The following PSMA1 variants were observed in gnomAD, a reference collection of about 807,000 sequenced individuals.
The protein encoded by PSMA1 is proteasome subunit alpha type-1.
A neutral mutation model predicts 38.4 loss-of-function variants in PSMA1; 3 were observed. The ratio of observed to expected loss-of-function variants is 0.08; its 90% CI spans 0.04 to 0.20. The LOEUF (loss-of-function observed/expected upper bound fraction) is 0.20, where lower values mean the gene tolerates loss of function less well. PSMA1 is among the 10% of genes least tolerant of loss of function. The probability of loss-of-function intolerance (pLI) is 1.00; values close to 1 mark genes in which losing one functional copy is unlikely to be tolerated. For missense variants in PSMA1, 227 were observed against 325.3 expected (o/e 0.70, Z 2.32); for synonymous variants, 101 against 107.1 (o/e 0.94, Z 0.35).
chr11:14,619,468 C>T (rs1282501362), intron 1 of PSMA1, among the ~76,000 whole-genome samples: 1 of 151,930 alleles, frequency 6.6e-6, no homozygotes, highest in Non-Finnish European at 1.5e-5. Context: ...TAGATTTATA[C>T]CACATAAAGA....
At chr11:14,615,432 A>G (rs1482726099) in intron 1 of PSMA1, among the ~76,000 whole-genome samples, 5 of 152,228 alleles carry the variant, frequency 3.3e-5, no homozygotes, top group African/African-American at 1.2e-4. Flanking sequence ...CTCAGAGGAC[A>G]GAAGAGTACA....
intron 7 of PSMA1, among the ~76,000 whole-genome samples, chr11:14,511,704 T>C (rs949225328): frequency 6.6e-6 from 1 of 152,214 alleles, no homozygotes; most frequent in Non-Finnish European, 1.5e-5. Flanking sequence ...ACATCAATCT[T>C]AGCAGTGAAT....
chr11:14,595,132 C>T (rs1312422460), intron 2 of PSMA1, among the ~76,000 whole-genome samples: 1 of 152,202 alleles, frequency 6.6e-6, no homozygotes. Context: ...ATATGTGCCA[C>T]ATTTTCTTAA....
chr11:14,561,223 C>T (rs145335167), intron 2 of PSMA1, among the ~76,000 whole-genome samples: 22 of 152,300 alleles, frequency 1.4e-4, no homozygotes, highest in Middle Eastern at 6.8e-3. Flanking sequence ...ATTGCATTTG[C>T]TCTCTTTATG....
chr11:14,592,374 CTCTA>C (rs1477167235), intron 2 of PSMA1, among the ~76,000 whole-genome samples: 90 of 119,254 alleles, frequency 7.5e-4, no homozygotes, highest in Middle Eastern at 9.0e-3. Context: ...CTCTCTCTCT[CTCTA>C]TATATATATA....
At chr11:14,546,507 G>A (rs961579006) in intron 2 of PSMA1, among the ~76,000 whole-genome samples, 10 of 151,922 alleles carry the variant, frequency 6.6e-5, no homozygotes, top group Non-Finnish European at 1.0e-4. Context: ...GCACGATCTC[G>A]GCTCACTGCA....
At chr11:14,571,791 T>A (rs983429386) in intron 2 of PSMA1, among the ~76,000 whole-genome samples, 7 of 151,292 alleles carry the variant, frequency 4.6e-5, no homozygotes, top group Non-Finnish European at 8.8e-5. Context: ...GAGACACACA[T>A]AGGCTCAAAA....
chr11:14,525,043 A>G (rs890456992), upstream of PSMA1, among the ~76,000 whole-genome samples: 2 of 151,840 alleles, frequency 1.3e-5, no homozygotes, highest in African/African-American at 4.8e-5. Context: ...TAGGGAGGCT[A>G]CCCACCCCTC....
At chr11:14,541,640 A>C (rs1223439251) in intron 2 of PSMA1, among the ~76,000 whole-genome samples, 1 of 152,220 alleles carries the variant, frequency 6.6e-6, no homozygotes, top group Non-Finnish European at 1.5e-5. Context: ...ACCTTTTGGA[A>C]GGCAGAAAAG....
chr11:14,511,429 C>T (rs1190727962), intron 7 of PSMA1, among the ~76,000 whole-genome samples: 2 of 151,940 alleles, frequency 1.3e-5, no homozygotes, highest in African/African-American at 2.4e-5. Flanking sequence ...AAACTACAAA[C>T]GGAACCTGGC....
chr11:14,587,056 A>G (rs903539827), intron 2 of PSMA1, among the ~76,000 whole-genome samples: 2 of 152,130 alleles, frequency 1.3e-5, no homozygotes. Context: ...TATCTTTGCC[A>G]TTCATCATAG....
At chr11:14,552,191 T>C (rs994289944) in intron 2 of PSMA1, among the ~76,000 whole-genome samples, 4 of 152,100 alleles carry the variant, frequency 2.6e-5, no homozygotes, top group East Asian at 1.9e-4. Context: ...CAGAGAGCAA[T>C]TGGAGTGCCC....
chr11:14,603,093 A>G (rs932170583), intron 2 of PSMA1, among the ~76,000 whole-genome samples: 2 of 152,226 alleles, frequency 1.3e-5, no homozygotes, highest in Non-Finnish European at 2.9e-5. Context: ...TGCCACAGCT[A>G]GAGGTAACCA....
At chr11:14,520,104 C>CG in intron 1 of PSMA1, 193 bp downstream of exon 1, 1 of 826,952 alleles carries the variant, frequency 1.2e-6, no homozygotes, top group South Asian at 1.7e-5. Context: ...GGTGGAAAGG[C>CG]CGCACTGGCT....
At chr11:14,544,497 A>C (rs1011416021) in intron 2 of PSMA1, among the ~76,000 whole-genome samples, 1 of 152,236 alleles carries the variant, frequency 6.6e-6, no homozygotes, top group Non-Finnish European at 1.5e-5. Context: ...ACCCAATTAA[A>C]GAATGGGCTA....
intron 1 of PSMA1, among the ~76,000 whole-genome samples, chr11:14,626,215 T>A (rs1852910398): frequency 6.6e-6 from 1 of 152,092 alleles, no homozygotes; most frequent in Admixed American, 6.5e-5. Context: ...TACAAATTTA[T>A]AACACTTGGC....
At chr11:14,565,508 T>C (rs371406158) in intron 2 of PSMA1, among the ~76,000 whole-genome samples, 8 of 152,344 alleles carry the variant, frequency 5.3e-5, no homozygotes, top group South Asian at 2.1e-4. Context: ...TTCTTATATA[T>C]GCTTTTAGTG....
At chr11:14,516,647 T>C (rs1851434494) in intron 4 of PSMA1, among the ~76,000 whole-genome samples, 1 of 152,162 alleles carries the variant, frequency 6.6e-6, no homozygotes, top group African/African-American at 2.4e-5. Flanking sequence ...AAAAATAGGC[T>C]GGGTGCAGTG....
chr11:14,565,173 G>A (rs1852054841), intron 2 of PSMA1, among the ~76,000 whole-genome samples: 1 of 152,158 alleles, frequency 6.6e-6, no homozygotes, highest in African/African-American at 2.4e-5. Flanking sequence ...TCAAATTTAT[G>A]TGTATAGAGT....
Sources: allele counts gnomAD v4.1 joint callset (sites outside exome capture counted in the v4.1 genomes callset), GRCh38; gene constraint gnomAD v4.1.1; transcripts MANE v1.5; gene names NCBI Gene and HGNC (gene_info 2026-07-23, HGNC 2026-07-21).